The following NEK3 variants were observed in gnomAD, a reference collection of about 807,000 sequenced individuals.
The protein encoded by NEK3 is NIMA related kinase 3.
In NEK3, 54 loss-of-function variants were observed where a neutral mutation model predicts 66.0. The observed-to-expected ratio is 0.82, with a 90% CI of 0.66 to 1.03. The LOEUF (loss-of-function observed/expected upper bound fraction) is 1.03, where lower values mean the gene tolerates loss of function less well. NEK3 is among the 50% of genes least tolerant of loss of function. NEK3 has a pLI of 0.00. For missense variants in NEK3, 593 were observed against 603.0 expected, an observed-to-expected ratio of 0.98 and a Z score of 0.17; for synonymous variants, 200 against 206.2, an observed-to-expected ratio of 0.97 and a Z score of 0.26.
At chr13:52,151,279 A>C (rs776818605) in intron 6 of NEK3, 46 bp downstream of exon 6, 1 of 1,595,832 alleles carries the variant, frequency 6.3e-7, no homozygotes, top group Non-Finnish European at 8.5e-7. Context: ...ATTCCTGAAA[A>C]TTGATGTTTT....
rs1566847829 is a variant in NEK3, at chr13:52,133,729, C to T, written c.1396G>A (p.Asp466Asn). The change falls in exon 15 of 16, where the codon GAT becomes AAT. Residue 466 changes from aspartate to asparagine, a missense_variant. Transcript: ENST00000610828. ...AGCCCAGGCTCAAGTCGCTCTGGAT[C>T]CAAAATGACAGAATCGTGACCTCCA... The part of the protein sequence containing the change: ...VDGGHDSVIL[D>N]PERLEPGLDE... 2 of 1,567,220 alleles carry T rather than the reference C, an allele frequency of 1.3e-6. No homozygotes were observed. Among genetic ancestry groups the T allele is most frequent in the African/African-American group, 2.7e-5 (2 of 73,948 alleles).
rs146520132 is a variant in NEK3 at position 52,155,577 on chromosome 13, T to C, written c.117+498A>G. Among the ~76,000 whole-genome samples the C allele has an allele frequency of 1.7e-3, 264 of 152,376 alleles. 1 individual carries two copies. Among genetic ancestry groups the C allele is most frequent in the African/African-American group, 5.9e-3 (247 of 41,598 alleles). ...TTTTCTCCCATTGTTAATTACAATA[T>C]CCTAAGAACCACATATAATGTATCG... On this transcript the variant is annotated intron_variant, in intron 2 of 15. Transcript: ENST00000610828.
Position 52,152,657 on chromosome 13 carries a change from T to G in NEK3, c.345A>C (p.Val115=). 1.9e-6 allele frequency: 3 copies of G among 1,611,700 alleles called. No homozygotes were observed. Among genetic ancestry groups the G allele is most frequent in the Non-Finnish European group, 2.5e-6 (3 of 1,178,874 alleles). The change falls in exon 5 of 16, where the codon GTA becomes GTC. Residue 115 remains valine (V), a synonymous_variant. Transcript: ENST00000610828. ...LNWFTQMCLG[V]NHIHKKRVLH... ...GCACACGTTTCTTGTGAATGTGATTTACTCCAAGGCACATTTGGGTAAACC... is the reference window on the plus strand; with the variant it reads ...GCACACGTTTCTTGTGAATGTGATTGACTCCAAGGCACATTTGGGTAAACC...
intron 6 of NEK3, 43 bp downstream of exon 6, chr13:52,151,282 G>C: frequency 6.3e-7 from 1 of 1,594,402 alleles, no homozygotes; most frequent in Non-Finnish European, 8.6e-7. Flanking sequence ...CCTGAAAATT[G>C]ATGTTTTGAT....
Position 52,159,580 on chromosome 13 carries a change from G to C in NEK3, c.-95C>G, listed in dbSNP as rs1956427720. The C allele has an allele frequency of 6.6e-6, 1 of 152,324 alleles. No homozygotes were observed. The highest frequency in any genetic ancestry group is 2.4e-5 in the African/African-American group (1 of 41,472). 9.4% of individuals were successfully genotyped at this position (152,324 alleles called of 1,614,324 possible). On this transcript the variant is annotated 5_prime_UTR_variant, in exon 1 of 16. Coordinates refer to ENST00000610828, the MANE Select transcript of NEK3 (RefSeq NM_002498.3). ...CGACCCTAGTCCACTCCTTGGCCTGGCAACCGGCGGCTTCCGCGGGGCGGG... is the reference window on the plus strand; with the variant it reads ...CGACCCTAGTCCACTCCTTGGCCTGCCAACCGGCGGCTTCCGCGGGGCGGG...
intron 5 of NEK3, 74 bp downstream of exon 5, chr13:52,152,535 T>C (rs1014816808): frequency 9.7e-6 from 8 of 827,052 alleles, no homozygotes; most frequent in Non-Finnish European, 1.5e-5. Flanking sequence ...TGTCCCAAAA[T>C]GCATGGCATA....
chr13:52,136,274 T>C lies in NEK3; in HGVS notation c.1031-15A>G. 6.2e-7 allele frequency: 1 copy of C among 1,613,096 alleles called. No homozygotes were observed. Among genetic ancestry groups the C allele is most frequent in the Non-Finnish European group, 8.5e-7 (1 of 1,179,382 alleles). On this transcript the variant is annotated splice_polypyrimidine_tract_variant and intron_variant, in intron 12 of 15. Coordinates refer to ENST00000610828, the MANE Select transcript of NEK3 (RefSeq NM_002498.3). ...TGACTTATTACCTGATTTTAAAGTG[T>C]GAAAAAGGAATGCCAAGCATGTGAA...
intron 7 of NEK3, 101 bp downstream of exon 7, chr13:52,151,045 C>T (rs117278993): frequency 0.055 from 44,993 of 821,636 alleles, 1,549 homozygotes; most frequent in Non-Finnish European, 0.068. Context: ...CCAATATGAT[C>T]CATGCATCTG....
intron 11 of NEK3, among the ~76,000 whole-genome samples, chr13:52,139,782 C>G (rs1956232320): frequency 6.6e-6 from 1 of 151,880 alleles, no homozygotes; most frequent in East Asian, 1.9e-4. Flanking sequence ...GCCTGTGGTC[C>G]CAGCTAACCA....
intron 11 of NEK3, among the ~76,000 whole-genome samples, chr13:52,138,283 G>C (rs571130357): frequency 6.6e-6 from 1 of 152,214 alleles, no homozygotes; most frequent in Non-Finnish European, 1.5e-5. Flanking sequence ...CTGCCTCCCA[G>C]AGTGTTGGTA....
chr13:52,151,060 G>T, intron 7 of NEK3, 86 bp downstream of exon 7: 1 of 1,009,076 alleles, frequency 9.9e-7, no homozygotes, highest in Non-Finnish European at 1.5e-6. Context: ...CATCTGTTTT[G>T]AAGTGACGTC....
intron 10 of NEK3, among the ~76,000 whole-genome samples, chr13:52,141,980 T>C (rs538810563): frequency 4.4e-4 from 66 of 151,596 alleles, no homozygotes; most frequent in Non-Finnish European, 8.0e-4. Flanking sequence ...CCAGCCACTC[T>C]GGAGGCTGAG....
intron 13 of NEK3, 38 bp downstream of exon 13, chr13:52,136,078 T>C: frequency 6.2e-7 from 1 of 1,608,558 alleles, no homozygotes; most frequent in Non-Finnish European, 8.5e-7. Context: ...TAGAAAAAGT[T>C]CTCTAATAAA....
chr13:52,148,440 T>G lies in NEK3; in HGVS notation c.578A>C (p.Tyr193Ser). ...TGGATGCTTAAGGGTACAGAGTTCA[T>G]ACAGGATGCAACCCAAGGACCAGAT... Reference protein sequence around the residue: ...SDIWSLGCILYELCTLKHPFQ... With the variant: ...SDIWSLGCILSELCTLKHPFQ... Residue 193 changes from tyrosine (Y) to serine (S), a missense_variant, in exon 8 of 16, where the codon TAT becomes TCT. By Grantham distance (144) the Tyr-to-Ser change is moderately radical. Transcript: ENST00000610828. 1 of 1,613,712 alleles carries G rather than the reference T, an allele frequency of 6.2e-7. No homozygotes were observed. The highest frequency in any genetic ancestry group is 1.3e-5 in the African/African-American group (1 of 75,038).
intron 5 of NEK3, 46 bp downstream of exon 5, chr13:52,152,563 A>T: frequency 7.9e-7 from 1 of 1,270,930 alleles, no homozygotes; most frequent in Non-Finnish European, 1.1e-6. Flanking sequence ...AAAATGACTG[A>T]ATTAAGGACT....
intron 5 of NEK3, among the ~76,000 whole-genome samples, chr13:52,151,764 G>C (rs1325315167): frequency 6.6e-6 from 1 of 152,172 alleles, no homozygotes; most frequent in Non-Finnish European, 1.5e-5. Flanking sequence ...AATATACACA[G>C]TCACATGCTG....
rs776456787 is a variant in NEK3, at chr13:52,135,821, T to C, written c.1217A>G (p.Gln406Arg). 1.7e-5 allele frequency: 28 copies of C among 1,613,588 alleles called. No homozygotes were observed. Among genetic ancestry groups the C allele is most frequent in the Non-Finnish European group, 2.3e-5 (27 of 1,179,722 alleles). The part of the protein sequence containing the change: ...IKYSKNTTRK[Q>R]WLKETPDTLL... ...AGTGTCAGGGGTCTCTTTGAGCCAC[T>C]GCTTACGAGTAGTATTTTTGCTGTA... Residue 406 changes from glutamine to arginine, a missense_variant, in exon 14 of 16, where the codon CAG becomes CGG. Physicochemically the swap from Gln to Arg is conservative, Grantham distance 43. Transcript: ENST00000610828.
intron 4 of NEK3, among the ~76,000 whole-genome samples, chr13:52,153,132 A>G (rs762570457): frequency 7.2e-5 from 11 of 152,128 alleles, no homozygotes; most frequent in Non-Finnish European, 1.3e-4. Flanking sequence ...TTTGAGGTCA[A>G]TAGTTCCTGC....
At chr13:52,143,732 A>G (rs1956269906) in intron 10 of NEK3, among the ~76,000 whole-genome samples, 183 bp downstream of exon 10, 1 of 152,152 alleles carries the variant, frequency 6.6e-6, no homozygotes, top group Admixed American at 6.6e-5. Flanking sequence ...TTAAATCCCA[A>G]TTTTTTCAGG....
Sources: allele counts gnomAD v4.1 joint callset (sites outside exome capture counted in the v4.1 genomes callset), GRCh38; gene constraint gnomAD v4.1.1; transcripts MANE v1.5; gene names NCBI Gene and HGNC (gene_info 2026-07-23, HGNC 2026-07-21).